Variants in RNLS observed in about 807,000 individuals in gnomAD.
The protein encoded by RNLS is renalase.
Under a neutral mutation model 39.8 loss-of-function variants are expected in RNLS, and 39 were observed. The observed-to-expected ratio is 0.98, with a 90% CI of 0.76 to 1.28. The LOEUF (loss-of-function observed/expected upper bound fraction) is 1.28, where lower values mean the gene tolerates loss of function less well. Among genes scored for constraint, RNLS ranks in the 50% most tolerant of loss-of-function variants. The pLI is 0.00. For missense variants in RNLS, 410 were observed against 413.3 expected, an observed-to-expected ratio of 0.99 and a Z score of 0.07; for synonymous variants, 147 against 150.7, an observed-to-expected ratio of 0.98 and a Z score of 0.18.
At chr10:88,217,659 T>TG in the RNLS span, among the ~76,000 whole-genome samples, 2 of 149,832 alleles carry the variant, frequency 1.3e-5, no homozygotes, top group Middle Eastern at 3.5e-3. Context: ...ATAGAGCAAA[T>TG]GAAAATTCTT....
At chr10:88,393,577 T>C (rs1828471350) in intron 4 of RNLS, among the ~76,000 whole-genome samples, 1 of 152,216 alleles carries the variant, frequency 6.6e-6, no homozygotes, top group Non-Finnish European at 1.5e-5. Context: ...TCCATGCTCA[T>C]GGGTAGGCAG....
chr10:88,405,632 G>C (rs942311216), intron 4 of RNLS, among the ~76,000 whole-genome samples: 7 of 151,982 alleles, frequency 4.6e-5, no homozygotes, highest in African/African-American at 7.2e-5. Flanking sequence ...ATGGTTGTTT[G>C]GTGAGTTCTT....
intron 4 of RNLS, among the ~76,000 whole-genome samples, chr10:88,479,898 C>G (rs1844057406): frequency 6.6e-6 from 1 of 150,772 alleles, no homozygotes; most frequent in African/African-American, 2.4e-5. Flanking sequence ...TAAAAAGATT[C>G]TTCCTTAAAA....
intron 4 of RNLS, among the ~76,000 whole-genome samples, chr10:88,545,276 G>A: frequency 6.6e-6 from 1 of 151,972 alleles, no homozygotes; most frequent in East Asian, 1.9e-4. Context: ...ATAATAAACA[G>A]AGAAAGACTA....
chr10:88,302,194 A>G (rs1258048754), intron 6 of RNLS, among the ~76,000 whole-genome samples: 1 of 152,256 alleles, frequency 6.6e-6, no homozygotes, highest in African/African-American at 2.4e-5. Flanking sequence ...CATTATGCCA[A>G]AGTCCAAGAT....
chr10:88,479,793 C>CTTTTTTTTT (rs11293313), intron 4 of RNLS, among the ~76,000 whole-genome samples: 1 of 139,326 alleles, frequency 7.2e-6, no homozygotes, highest in Non-Finnish European at 1.6e-5. Context: ...TTCTTTTTTT[C>CTTTTTTTTT]TTTTTTTTTT....
chr10:88,559,662 C>CTCATTCATTCATTCAT (rs3033889), intron 4 of RNLS, among the ~76,000 whole-genome samples: 35,157 of 151,048 alleles, frequency 0.23, 4,557 homozygotes, highest in African/African-American at 0.34. Context: ...GATTGTTTCA[C>CTCATTCATTCATTCAT]TCATTCATTC....
intron 4 of RNLS, among the ~76,000 whole-genome samples, chr10:88,557,318 C>T (rs1012082357): frequency 1.3e-5 from 2 of 152,094 alleles, no homozygotes; most frequent in Non-Finnish European, 2.9e-5. Flanking sequence ...CCAACAGAGA[C>T]TTCTAGACTA....
At chr10:88,520,884 T>C (rs972495316) in intron 4 of RNLS, among the ~76,000 whole-genome samples, 13 of 152,050 alleles carry the variant, frequency 8.5e-5, no homozygotes, top group African/African-American at 3.1e-4. Context: ...TCTATGAATC[T>C]GTTCTTTGCT....
downstream of RNLS, among the ~76,000 whole-genome samples, chr10:88,283,873 C>T (rs141891098): frequency 3.1e-4 from 47 of 152,160 alleles, no homozygotes; most frequent in East Asian, 9.1e-3. Context: ...GGCTTAACTC[C>T]TGGGTGACAA....
chr10:88,364,359 CAGT>C (rs1849881510), intron 4 of RNLS, among the ~76,000 whole-genome samples: 1 of 152,090 alleles, frequency 6.6e-6, no homozygotes, highest in South Asian at 2.1e-4. Context: ...TATTATAGCA[CAGT>C]AATAATCCTA....
intron 3 of RNLS, among the ~76,000 whole-genome samples, chr10:88,577,644 TA>T (rs1024071169): frequency 6.6e-6 from 1 of 152,020 alleles, no homozygotes. Flanking sequence ...ACAACTAGTA[TA>T]AAAAAAGAAC....
intron 4 of RNLS, among the ~76,000 whole-genome samples, chr10:88,389,908 C>T (rs1852095119): frequency 6.6e-6 from 1 of 152,144 alleles, no homozygotes; most frequent in African/African-American, 2.4e-5. Context: ...GAAGCCACAG[C>T]ATTTCATATC....
At chr10:88,387,329 A>G (rs1266082239) in intron 4 of RNLS, among the ~76,000 whole-genome samples, 3 of 152,244 alleles carry the variant, frequency 2.0e-5, no homozygotes, top group African/African-American at 4.8e-5. Flanking sequence ...CAACACTGAA[A>G]AGAGACCTGG....
At chr10:88,492,110 C>T (rs140870177) in intron 4 of RNLS, among the ~76,000 whole-genome samples, 14 of 152,140 alleles carry the variant, frequency 9.2e-5, no homozygotes, top group East Asian at 3.9e-4. Flanking sequence ...TATAGTAACA[C>T]GTGTTACATA....
At chr10:88,324,508 A>G (rs1396232152) in intron 5 of RNLS, among the ~76,000 whole-genome samples, 1 of 152,042 alleles carries the variant, frequency 6.6e-6, no homozygotes. Flanking sequence ...ATGGGTACAC[A>G]TGATATAAAG....
At chr10:88,303,239 G>A (rs1279238761) in intron 6 of RNLS, among the ~76,000 whole-genome samples, 1 of 152,228 alleles carries the variant, frequency 6.6e-6, no homozygotes, top group Admixed American at 6.5e-5. Context: ...CTGATGTGGA[G>A]CCCAGATGGT....
chr10:88,336,519 A>G (rs1847511962), intron 5 of RNLS, among the ~76,000 whole-genome samples: 1 of 152,228 alleles, frequency 6.6e-6, no homozygotes. Flanking sequence ...TGAATTGAAA[A>G]TAAAATGAGA....
intron 6 of RNLS, among the ~76,000 whole-genome samples, chr10:88,308,811 C>T (rs1845131406): frequency 6.6e-6 from 1 of 152,140 alleles, no homozygotes; most frequent in African/African-American, 2.4e-5. Flanking sequence ...TTATAAGATA[C>T]ATGTACACAT....
Sources: gnomAD v4.1 joint callset for allele counts (sites outside exome capture counted in the v4.1 genomes callset) on GRCh38, gnomAD v4.1.1 for gene constraint, MANE v1.5 for transcripts, NCBI Gene and HGNC (gene_info 2026-07-23, HGNC 2026-07-21) for gene names.